The following RHBDL3 variants were observed in gnomAD, a reference collection of about 807,000 sequenced individuals.
The protein encoded by RHBDL3 is rhomboid-related protein 3.
RHBDL3 carries 28 observed loss-of-function variants against 48.2 expected under a neutral mutation model. That is an observed-to-expected ratio of 0.58 (90% CI 0.43 to 0.80). The LOEUF (loss-of-function observed/expected upper bound fraction) is 0.80, where lower values mean the gene tolerates loss of function less well. Ranked by LOEUF, RHBDL3 falls within the 30% of genes least tolerant of loss-of-function variation. The probability of loss-of-function intolerance (pLI) is 0.00; values close to 1 mark genes in which losing one functional copy is unlikely to be tolerated. For missense variants in RHBDL3, 464 were observed against 542.7 expected (o/e 0.85, Z 1.44); for synonymous variants, 208 against 232.3 (o/e 0.90, Z 0.95).
chr17:32,310,572 G>A (rs982617361), intron 7 of RHBDL3, among the ~76,000 whole-genome samples: 2 of 152,168 alleles, frequency 1.3e-5, no homozygotes, highest in Non-Finnish European at 2.9e-5. Flanking sequence ...AATTAGGTGG[G>A]CGTGGTGGCA....
chr17:32,309,179 AGTGTGTGTGTGTGTGTGT>A (rs61558385), intron 7 of RHBDL3, among the ~76,000 whole-genome samples: 4 of 149,622 alleles, frequency 2.7e-5, no homozygotes, highest in Non-Finnish European at 5.9e-5. Flanking sequence ...GAAGGTTTGG[AGTGTGTGTGTGTGTGTGT>A]GTGTGTGTGT....
intron 4 of RHBDL3, among the ~76,000 whole-genome samples, chr17:32,292,172 A>C (rs1056014602): frequency 7.2e-5 from 11 of 152,240 alleles, no homozygotes; most frequent in African/African-American, 2.7e-4. Context: ...AAAAAGAGTT[A>C]AATACCCTTT....
At chr17:32,314,476 C>CCCAG (rs1238522452) in intron 7 of RHBDL3, among the ~76,000 whole-genome samples, 4 of 152,142 alleles carry the variant, frequency 2.6e-5, no homozygotes, top group Non-Finnish European at 2.9e-5. Flanking sequence ...AGCCACCGCG[C>CCCAG]CCAGCCGGGT....
intron 8 of RHBDL3, among the ~76,000 whole-genome samples, chr17:32,319,503 T>G (rs1397926378): frequency 6.6e-6 from 1 of 151,870 alleles, no homozygotes; most frequent in Non-Finnish European, 1.5e-5. Flanking sequence ...ACCATCATCT[T>G]TCATACCTCC....
At chr17:32,303,642 T>G (rs2040638720) in intron 6 of RHBDL3, among the ~76,000 whole-genome samples, 1 of 152,116 alleles carries the variant, frequency 6.6e-6, no homozygotes, top group Non-Finnish European at 1.5e-5. Context: ...ATGACAGGTT[T>G]TTTTTGTTTT....
At chr17:32,316,854 T>A (rs2040987678) in intron 8 of RHBDL3, among the ~76,000 whole-genome samples, 1 of 146,380 alleles carries the variant, frequency 6.8e-6, no homozygotes, top group South Asian at 2.1e-4. Context: ...ATTTTATTTT[T>A]ATTTTATTTT....
rs2150768653 is a variant in RHBDL3 at position 32,324,157 on chromosome 17, A to G, written c.*2928A>G. The G allele has an allele frequency of 6.5e-6, 1 of 152,754 alleles. No individual in the cohort carries two copies. The highest frequency in any genetic ancestry group is 2.1e-4 in the South Asian group (1 of 4,824). The allele number at this position is 152,754 out of a possible 1,614,324, so 9.5% of individuals were successfully genotyped here. On this transcript the variant is annotated 3_prime_UTR_variant, in exon 9 of 9. Coordinates refer to ENST00000269051, the MANE Select transcript of RHBDL3 (RefSeq NM_138328.3). ...GACTCACTGGCTCTCATTAAACGGG[A>G]GAGGAATCACAGAAACTGGGGAAGG...
intron 6 of RHBDL3, among the ~76,000 whole-genome samples, chr17:32,302,407 A>G (rs2040604974): frequency 1.3e-5 from 2 of 151,614 alleles, no homozygotes; most frequent in African/African-American, 4.9e-5. Flanking sequence ...TCCAGGCTGG[A>G]GTGTAGTGGC....
At position 32,275,249 on chromosome 17, in the gene RHBDL3, C is replaced by T. The variant is rs9904058; in HGVS notation, c.135+7324C>T. ...CCATGACTCGGCTTCAGTCCCCAGG[C>T]GGCGCGTCAGGCTGGGCCGGATGAG... On this transcript the variant is annotated intron_variant, in intron 2 of 8. Transcript: ENST00000269051. Among the ~76,000 whole-genome samples, 1,350 of 152,304 alleles carry T rather than the reference C, an allele frequency of 8.9e-3. 28 individuals are homozygous for T. The highest frequency in any genetic ancestry group is 0.03 in the African/African-American group (1,247 of 41,566).
intron 7 of RHBDL3, among the ~76,000 whole-genome samples, chr17:32,309,196 G>A (rs1286908066): frequency 6.6e-6 from 1 of 151,916 alleles, no homozygotes; most frequent in Non-Finnish European, 1.5e-5. Flanking sequence ...GTGTGTGTGT[G>A]TGTGTGTGTG....
intron 5 of RHBDL3, among the ~76,000 whole-genome samples, chr17:32,295,074 A>G (rs1306227159): frequency 1.3e-5 from 2 of 152,148 alleles, no homozygotes; most frequent in African/African-American, 4.8e-5. Context: ...GGGAGAGGAG[A>G]GACCCCAGAC....
Position 32,321,215 on chromosome 17 carries a change from C to T in RHBDL3, c.1201C>T (p.Pro401Ser). 1.2e-6 allele frequency: 2 copies of T among 1,614,214 alleles called. No individual in the cohort carries two copies. The highest frequency in any genetic ancestry group is 1.3e-5 in the African/African-American group (1 of 75,056). ...FAYTLLDLKL[P>S]PPP ...CTACACCCTGCTGGACTTAAAGCTG[C>T]CGCCTCCCCCCTGAGGGCTGGAGGC... is the stretch of plus-strand genomic sequence containing the variant. The change falls in exon 9 of 9, where the codon CCG becomes TCG. Residue 401 changes from proline to serine, a missense_variant. Physicochemically the swap from Pro to Ser is moderately conservative, Grantham distance 74 (BLOSUM62 -1). Transcript: ENST00000269051.
intron 2 of RHBDL3, among the ~76,000 whole-genome samples, chr17:32,283,379 T>C (rs2150706022): frequency 7.0e-6 from 1 of 142,676 alleles, no homozygotes; most frequent in Admixed American, 7.5e-5. Flanking sequence ...TGGAGTGCAG[T>C]GGCGTGATCT....
At chr17:32,267,995 G>T in intron 2 of RHBDL3, 70 bp downstream of exon 2, 1 of 1,229,132 alleles carries the variant, frequency 8.1e-7, no homozygotes, top group Non-Finnish European at 1.2e-6. Context: ...CCCTGCTTGC[G>T]TGGGCTTCCC....
chr17:32,315,545 C>T (rs2040950004), intron 7 of RHBDL3, among the ~76,000 whole-genome samples: 1 of 152,172 alleles, frequency 6.6e-6, no homozygotes, highest in South Asian at 2.1e-4. Flanking sequence ...TCTGATTCTC[C>T]TCTGGAGCAT....
At chr17:32,296,050 C>T (rs1364888928) in intron 5 of RHBDL3, among the ~76,000 whole-genome samples, 1 of 151,850 alleles carries the variant, frequency 6.6e-6, no homozygotes, top group East Asian at 2.0e-4. Context: ...CATGGTGAAA[C>T]CCCGTCTCTA....
intron 3 of RHBDL3, among the ~76,000 whole-genome samples, chr17:32,286,586 A>G (rs938819027): frequency 2.0e-5 from 3 of 152,220 alleles, no homozygotes; most frequent in Non-Finnish European, 4.4e-5. Context: ...CAAAAAAAGT[A>G]TTTGAATATT....
chr17:32,287,396 C>G (rs1053019274), intron 3 of RHBDL3, among the ~76,000 whole-genome samples: 12 of 152,192 alleles, frequency 7.9e-5, no homozygotes, highest in South Asian at 6.2e-4. Context: ...TACAGAGCTC[C>G]TGGGCCATTG....
At chr17:32,268,024 A>G (rs920634818) in intron 2 of RHBDL3, 99 bp downstream of exon 2, 5 of 907,228 alleles carry the variant, frequency 5.5e-6, no homozygotes, top group Non-Finnish European at 9.3e-6. Flanking sequence ...CGCTCCTGAG[A>G]TGGTGACGTG....
Sources: gnomAD v4.1 joint callset for allele counts (sites outside exome capture counted in the v4.1 genomes callset) on GRCh38, gnomAD v4.1.1 for gene constraint, MANE v1.5 for transcripts, NCBI Gene and HGNC (gene_info 2026-07-23, HGNC 2026-07-21) for gene names.